Variants in ASTN2 observed in about 807,000 individuals in gnomAD.
ASTN2 encodes astrotactin-2.
Under a neutral mutation model 139.8 loss-of-function variants are expected in ASTN2, and 54 were observed. That is an observed-to-expected ratio of 0.39 (90% CI 0.31 to 0.48). ASTN2 has a LOEUF of 0.48. Ranked by LOEUF, ASTN2 falls within the 20% of genes least tolerant of loss-of-function variation. ASTN2 has a pLI of 0.95. For missense variants in ASTN2, 1,565 were observed against 1,725.1 expected (o/e 0.91, Z 1.64); for synonymous variants, 756 against 719.5 (o/e 1.05, Z -0.81).
intron 19 of ASTN2, among the ~76,000 whole-genome samples, chr9:116,607,743 C>T (rs1046998172): frequency 2.3e-4 from 35 of 150,228 alleles, no homozygotes; most frequent in African/African-American, 8.1e-4. Flanking sequence ...AGGCGGGTCA[C>T]GAGGTCAGGA....
chr9:116,670,158 T>G (rs1859107583), intron 16 of ASTN2, among the ~76,000 whole-genome samples: 1 of 152,194 alleles, frequency 6.6e-6, no homozygotes, highest in Non-Finnish European at 1.5e-5. Context: ...TTTGGGATGC[T>G]GAACAAATAA....
In ASTN2 at chr9:116,854,645, TTCTC is replaced by T. The variant is rs200365941; in HGVS notation, c.2040+8934_2040+8937del. Among the ~76,000 whole-genome samples the T allele has an allele frequency of 2.8e-5, 4 of 140,448 alleles. No individual in the cohort carries two copies. In the Admixed American group the frequency reaches 2.9e-4, roughly 10 times the overall value. 92.1% of individuals were successfully genotyped at this position (140,448 alleles called of 152,430 possible). ...TTCCTGCCTCCAATTTGGGGCTTCC[TTCTC>T]TCTTTTTTTTTTTTTTTTTTTGAGA... is the stretch of plus-strand genomic sequence containing the variant. On this transcript the variant is annotated intron_variant, in intron 11 of 22. Transcript: ENST00000313400.
chr9:116,759,443 C>A lies in ASTN2; in HGVS notation c.2397-25920G>T, dbSNP rs538425054. ...CTGAGATTTGCCTGTGGTCATACAG[C>A]TCCTAAGGAGCAATAACAATATCAG... On this transcript the variant is annotated intron_variant, in intron 13 of 22. Transcript: ENST00000313400. 2.6e-5 allele frequency among the ~76,000 whole-genome samples: 4 copies of A among 152,284 alleles called. No homozygotes were observed. The East Asian group carries it at 7.7e-4, about 29-fold the overall frequency.
intron 18 of ASTN2, among the ~76,000 whole-genome samples, chr9:116,619,893 T>C (rs577122153): frequency 3.3e-5 from 5 of 152,204 alleles, no homozygotes; most frequent in South Asian, 4.2e-4. Context: ...CTCCACTAAA[T>C]TGTCCGTTCC....
chr9:116,483,875 A>G (rs1277665995), intron 20 of ASTN2, among the ~76,000 whole-genome samples: 3 of 152,224 alleles, frequency 2.0e-5, no homozygotes, highest in African/African-American at 7.2e-5. Flanking sequence ...TCCCAGAGGC[A>G]GAAGTAGTAG....
intron 10 of ASTN2, among the ~76,000 whole-genome samples, chr9:116,884,786 T>TCAATCTC (rs1833546751): frequency 1.4e-5 from 2 of 146,246 alleles, no homozygotes; most frequent in African/African-American, 5.2e-5. Flanking sequence ...TGTGTGCATG[T>TCAATCTC]CAATCTCCAA....
chr9:116,642,852 C>T (rs1199600614), intron 17 of ASTN2, among the ~76,000 whole-genome samples: 1 of 152,118 alleles, frequency 6.6e-6, no homozygotes, highest in African/African-American at 2.4e-5. Context: ...TTGCACAGCA[C>T]CCGAATTTTA....
intron 17 of ASTN2, among the ~76,000 whole-genome samples, chr9:116,626,154 GTTTTTTT>G (rs751026997): frequency 7.2e-3 from 248 of 34,416 alleles, no homozygotes; most frequent in African/African-American, 0.022. Flanking sequence ...TAGTTTTTGT[GTTTTTTT>G]TTTTTTTTTT....
chr9:117,292,446 C>A (rs138572775), intron 1 of ASTN2, among the ~76,000 whole-genome samples: 5 of 152,238 alleles, frequency 3.3e-5, no homozygotes, highest in South Asian at 4.2e-4. Flanking sequence ...TATGTGCCTG[C>A]AAATGTCCTA....
intron 5 of ASTN2, among the ~76,000 whole-genome samples, chr9:117,076,721 A>G (rs1254693565): frequency 2.0e-5 from 3 of 152,124 alleles, no homozygotes; most frequent in African/African-American, 4.8e-5. Flanking sequence ...CCTTTAATAC[A>G]GGATGTAGTC....
chr9:117,224,084 T>C (rs965696281), intron 2 of ASTN2, among the ~76,000 whole-genome samples: 1 of 152,240 alleles, frequency 6.6e-6, no homozygotes, highest in African/African-American at 2.4e-5. Flanking sequence ...TACTGAATTC[T>C]ATAAAAATTT....
At chr9:116,864,279 T>C (rs1832963835) in intron 10 of ASTN2, among the ~76,000 whole-genome samples, 1 of 152,162 alleles carries the variant, frequency 6.6e-6, no homozygotes, top group African/African-American at 2.4e-5. Flanking sequence ...AATCCCACAG[T>C]CTATAAATAG....
At chr9:116,613,413 G>C (rs949546668) in intron 19 of ASTN2, 2 of 152,054 alleles carry the variant, frequency 1.3e-5, no homozygotes, top group Non-Finnish European at 2.9e-5. Flanking sequence ...GCCTGGCAGA[G>C]ACACAACAAA....
intron 10 of ASTN2, among the ~76,000 whole-genome samples, chr9:116,973,820 A>G (rs1836274507): frequency 6.6e-6 from 1 of 152,176 alleles, no homozygotes; most frequent in African/African-American, 2.4e-5. Flanking sequence ...TTCATATCCT[A>G]AGTGCCATCT....
intron 16 of ASTN2, among the ~76,000 whole-genome samples, chr9:116,662,466 G>A (rs757935400): frequency 3.3e-5 from 5 of 151,836 alleles, no homozygotes; most frequent in Non-Finnish European, 7.4e-5. Flanking sequence ...CCAGATACTC[G>A]GGAGGCTGAG....
chr9:116,536,823 A>T (rs1851651017), intron 19 of ASTN2, among the ~76,000 whole-genome samples: 1 of 152,222 alleles, frequency 6.6e-6, no homozygotes, highest in Admixed American at 6.5e-5. Context: ...TTGAGGAGGC[A>T]GTCTGTCTGT....
chr9:116,846,585 T>C (rs2132314601), intron 11 of ASTN2, among the ~76,000 whole-genome samples: 1 of 152,282 alleles, frequency 6.6e-6, no homozygotes, highest in Middle Eastern at 3.4e-3. Context: ...TCACAGCTAA[T>C]TATCTGAATA....
chr9:116,508,839 T>C (rs923144917), intron 19 of ASTN2, among the ~76,000 whole-genome samples: 7 of 152,056 alleles, frequency 4.6e-5, no homozygotes, highest in African/African-American at 9.7e-5. Flanking sequence ...AGTGTTTCCA[T>C]TGAAGGAAGT....
chr9:116,875,790 C>A (rs1260580251), intron 10 of ASTN2, among the ~76,000 whole-genome samples: 3 of 152,176 alleles, frequency 2.0e-5, no homozygotes. Context: ...TCTGCCTGTG[C>A]TCTATAAATA....
Sources: gnomAD v4.1 joint callset for allele counts (sites outside exome capture counted in the v4.1 genomes callset) on GRCh38, gnomAD v4.1.1 for gene constraint, MANE v1.5 for transcripts, NCBI Gene and HGNC (gene_info 2026-07-23, HGNC 2026-07-21) for gene names.